Variants in RUNDC1 observed in about 807,000 individuals in gnomAD.
RUNDC1 encodes RUN domain-containing protein 1.
In RUNDC1, 31 loss-of-function variants were observed where a neutral mutation model predicts 49.3. The ratio of observed to expected loss-of-function variants is 0.63; its 90% CI spans 0.47 to 0.85. The LOEUF (loss-of-function observed/expected upper bound fraction) is 0.85, where lower values mean the gene tolerates loss of function less well. Ranked by LOEUF, RUNDC1 falls within the 40% of genes least tolerant of loss-of-function variation. The probability of loss-of-function intolerance (pLI) is 0.00; values close to 1 mark genes in which losing one functional copy is unlikely to be tolerated. For missense variants in RUNDC1, 715 were observed against 806.7 expected, an observed-to-expected ratio of 0.89 and a Z score of 1.38; for synonymous variants, 347 against 348.6, an observed-to-expected ratio of 1.00 and a Z score of 0.05.
Position 42,994,513 on chromosome 17 carries a change from ATGT to A in RUNDC1, c.*2802_*2804del, listed in dbSNP as rs1297903430. 6.6e-6 allele frequency among the ~76,000 whole-genome samples: 1 copy of A among 152,106 alleles called. No individual in the cohort carries two copies. Among genetic ancestry groups the A allele is most frequent in the African/African-American group, 2.4e-5 (1 of 41,404 alleles). ...GTCTATCTTTTCACTTCATTGTATC[ATGT>A]TGTTTCTAGATTTTGGTTTCTCTTT... is the stretch of plus-strand genomic sequence containing the variant. On this transcript the variant is annotated 3_prime_UTR_variant, in exon 5 of 5. Coordinates refer to ENST00000361677, the MANE Select transcript of RUNDC1 (RefSeq NM_173079.5).
In RUNDC1 at chr17:42,980,935, A is replaced by G. The variant is rs1449904351; in HGVS notation, c.359A>G (p.Gln120Arg). The G allele has an allele frequency of 1.3e-6, 2 of 1,537,900 alleles. No individual in the cohort carries two copies. The highest frequency in any genetic ancestry group is 2.5e-5 in the East Asian group (1 of 40,814). Residue 120 changes from glutamine (Q) to arginine (R), a missense_variant, in exon 1 of 5, where the codon CAG becomes CGG. Gln to Arg is a conservative substitution (Grantham distance 43). This residue lies in a region of RUNDC1 where 113 missense variants were observed against 93.4 expected (regional missense o/e 1.21). Transcript: ENST00000361677. The stretch of plus-strand genomic sequence containing the variant: ...GTGCGCGGGGCGCCGGCGGAGCAGC[A>G]GCGCCTTCTGCGGGAGCTCGAAGAC... ...QVVRGAPAEQ[Q>R]RLLRELEDFA... is the part of the protein sequence containing the mutation.
rs2050280900 is a variant in RUNDC1 at position 42,994,253 on chromosome 17, C to G, written c.*2537C>G. Among the ~76,000 whole-genome samples the G allele has an allele frequency of 1.3e-5, 2 of 152,232 alleles. No individual in the cohort carries two copies. The highest frequency in any genetic ancestry group is 1.3e-4 in the Admixed American group (2 of 15,274). ...AGCCCAGCGATCACCCCAGTATTGCCTTTTTCAAATCACAAAAACAAAACT... is the reference window on the plus strand; with the variant it reads ...AGCCCAGCGATCACCCCAGTATTGCGTTTTTCAAATCACAAAAACAAAACT... On this transcript the variant is annotated 3_prime_UTR_variant, in exon 5 of 5. Transcript: ENST00000361677.
At chr17:42,990,816 C>A (rs763071152) in intron 4 of RUNDC1, 35 bp from the exon 5 acceptor site, 29 of 1,552,122 alleles carry the variant, frequency 1.9e-5, no homozygotes. Flanking sequence ...GCCATCATGG[C>A]CTCTCACTGA....
chr17:42,991,541 A>G lies in RUNDC1; in HGVS notation c.1667A>G (p.Asn556Ser). 1 of 1,613,938 alleles carries G rather than the reference A, an allele frequency of 6.2e-7. No homozygotes were observed. Among genetic ancestry groups the G allele is most frequent in the Non-Finnish European group, 8.5e-7 (1 of 1,179,966 alleles). ...GAGCAGCGTCTGGTGTCCTGGGTGAACCTCATCTGCAAGTCCGGGTCACTC... is the reference window on the plus strand; with the variant it reads ...GAGCAGCGTCTGGTGTCCTGGGTGAGCCTCATCTGCAAGTCCGGGTCACTC... ...LNEQRLVSWV[N>S]LICKSGSLIE... is the part of the protein sequence containing the mutation. The change falls in exon 5 of 5, where the codon AAC (asparagine) becomes AGC (serine). Residue 556 changes from asparagine to serine, a missense_variant. Transcript: ENST00000361677.
rs767660129 is a variant in RUNDC1, at chr17:42,991,469, G to A, written c.1595G>A (p.Arg532His). Residue 532 changes from arginine (R) to histidine (H), a missense_variant, in exon 5 of 5, where the codon CGC becomes CAC. Coordinates refer to ENST00000361677, the MANE Select transcript of RUNDC1 (RefSeq NM_173079.5). ...CTGACAGAGCATGACCCTTTTAAGC[G>A]CAGTGCAGACTCAGAATTGAAGGCC... is the stretch of plus-strand genomic sequence containing the variant. ...MVLTEHDPFK[R>H]SADSELKALV... is the part of the protein sequence containing the mutation. 16 of 1,614,158 alleles carry A rather than the reference G, an allele frequency of 9.9e-6. No homozygotes were observed. The highest frequency in any genetic ancestry group is 3.3e-5 in the Admixed American group (2 of 60,014).
Position 42,983,673 on chromosome 17 carries a change from A to AT in RUNDC1, c.498+2612dup, listed in dbSNP as rs556766571. 2.5e-3 allele frequency among the ~76,000 whole-genome samples: 351 copies of AT among 137,848 alleles called. 1 individual carries two copies. Among genetic ancestry groups the AT allele is most frequent in the East Asian group, 3.2e-3 (15 of 4,720 alleles). The allele number at this position is 137,848 out of a possible 152,430, so 90.4% of individuals were successfully genotyped here. A position where few individuals can be genotyped will look rare whatever the true frequency, so the allele number is the denominator to read the frequency against. ...AGGCATGAACCACTGTACCCCGCCA[A>AT]TTTTTTTTTTTTTCTTGAGACAGAG... On this transcript the variant is annotated intron_variant, in intron 1 of 4. Coordinates refer to ENST00000361677, the MANE Select transcript of RUNDC1 (RefSeq NM_173079.5).
intron 1 of RUNDC1, among the ~76,000 whole-genome samples, chr17:42,985,118 C>G (rs1221665899): frequency 6.6e-6 from 1 of 152,026 alleles, no homozygotes; most frequent in African/African-American, 2.4e-5. Flanking sequence ...AACTCCTGAC[C>G]TCAGGTGATC....
intron 1 of RUNDC1, among the ~76,000 whole-genome samples, chr17:42,983,000 C>A (rs1317594733): frequency 6.9e-6 from 1 of 145,366 alleles, no homozygotes; most frequent in Non-Finnish European, 1.5e-5. Context: ...AAAAAAAACA[C>A]ACAAAAAATT....
chr17:42,980,985 G>T lies in RUNDC1; in HGVS notation c.409G>T (p.Val137Phe). Residue 137 changes from valine (V) to phenylalanine (F), a missense_variant, in exon 1 of 5, where the codon GTC becomes TTC. Val to Phe is a conservative substitution (Grantham distance 50). Around this residue, in one of 5 missense-constraint regions of RUNDC1, gnomAD observed 113 missense variants for 93.4 expected, o/e 1.21. Coordinates refer to ENST00000361677, the MANE Select transcript of RUNDC1 (RefSeq NM_173079.5). ...EDFAFRGCPH[V>F]LGYEGPGDPA... ...CTTCGCCTTCCGCGGCTGCCCTCACGTCCTAGGTTACGAAGGGCCCGGCGA... is the reference window on the plus strand; with the variant it reads ...CTTCGCCTTCCGCGGCTGCCCTCACTTCCTAGGTTACGAAGGGCCCGGCGA... 1 of 1,545,534 alleles carries T rather than the reference G, an allele frequency of 6.5e-7. No individual in the cohort carries two copies. The highest frequency in any genetic ancestry group is 8.7e-7 in the Non-Finnish European group (1 of 1,151,806).
At position 42,980,925 on chromosome 17, in the gene RUNDC1, G is replaced by A; in HGVS notation, c.349G>A (p.Ala117Thr). 1.3e-6 allele frequency: 2 copies of A among 1,532,846 alleles called. No individual in the cohort carries two copies. The highest frequency in any genetic ancestry group is 1.7e-6 in the Non-Finnish European group (2 of 1,146,212). The allele number at this position is 1,532,846 out of a possible 1,614,324, so 95.0% of individuals were successfully genotyped here. A position where few individuals can be genotyped will look rare whatever the true frequency, so the allele number is the denominator to read the frequency against. The change falls in exon 1 of 5, where the codon GCG becomes ACG. Residue 117 changes from alanine to threonine, a missense_variant. Physicochemically the swap from Ala to Thr is moderately conservative, Grantham distance 58. This residue lies in a region of RUNDC1 where 113 missense variants were observed against 93.4 expected (regional missense o/e 1.21). Transcript: ENST00000361677. ...RLRQVVRGAP[A>T]EQQRLLRELE... is the part of the protein sequence containing the mutation. ...GCGCCAGGTGGTGCGCGGGGCGCCG[G>A]CGGAGCAGCAGCGCCTTCTGCGGGA...
rs2050263972 is a variant in RUNDC1, at chr17:42,992,930, A to G, written c.*1214A>G. Reference sequence around the variant, plus strand: ...GGGGTGAGAAGTGATGTTTGTTACTATGTTCTCCAGCAAGTAAACATTCCT... The same window carrying G: ...GGGGTGAGAAGTGATGTTTGTTACTGTGTTCTCCAGCAAGTAAACATTCCT... On this transcript the variant is annotated 3_prime_UTR_variant, in exon 5 of 5. Coordinates refer to ENST00000361677, the MANE Select transcript of RUNDC1 (RefSeq NM_173079.5). 6.6e-6 allele frequency: 1 copy of G among 152,194 alleles called. No homozygotes were observed. Among genetic ancestry groups the G allele is most frequent in the South Asian group, 2.1e-4 (1 of 4,836 alleles). The allele number at this position is 152,194 out of a possible 1,614,324, so 9.4% of individuals were successfully genotyped here.
At chr17:42,981,408 G>C (rs928615213) in intron 1 of RUNDC1, 1 of 298,184 alleles carries the variant, frequency 3.4e-6, no homozygotes, top group Non-Finnish European at 6.3e-6. Flanking sequence ...TTTCCCTCAC[G>C]TATCTCAGTC....
chr17:42,983,021 A>AG (rs2050124369), intron 1 of RUNDC1, among the ~76,000 whole-genome samples: 2 of 150,938 alleles, frequency 1.3e-5, no homozygotes, highest in African/African-American at 4.9e-5. Flanking sequence ...AAAAACTGAA[A>AG]AAAAAAAAAA....
intron 1 of RUNDC1, among the ~76,000 whole-genome samples, chr17:42,986,091 C>T (rs1039814474): frequency 1.3e-5 from 2 of 152,060 alleles, no homozygotes; most frequent in African/African-American, 2.4e-5. Flanking sequence ...CCTCAACCTC[C>T]TAGACTCAAG....
rs1744086291 is a variant in RUNDC1, at chr17:42,993,942, C to T, written c.*2226C>T. 6.6e-6 allele frequency among the ~76,000 whole-genome samples: 1 copy of T among 152,182 alleles called. No homozygotes were observed. Among genetic ancestry groups the T allele is most frequent in the Admixed American group, 6.5e-5 (1 of 15,270 alleles). On this transcript the variant is annotated 3_prime_UTR_variant, in exon 5 of 5. Transcript: ENST00000361677. The stretch of plus-strand genomic sequence containing the variant: ...TGGCGTGATCTCAGCTCACTGCAAC[C>T]TCCGCCTCCTGGGTTCAAGCGATTC...
Position 42,990,313 on chromosome 17 carries a change from C to A in RUNDC1, c.857-4C>A, listed in dbSNP as rs1036652955. On this transcript the variant is annotated splice_region_variant and splice_polypyrimidine_tract_variant and intron_variant, in intron 3 of 4. Coordinates refer to ENST00000361677, the MANE Select transcript of RUNDC1 (RefSeq NM_173079.5). ...AGTGTCTCTTCTATAATTTCTGATT[C>A]CAGATGAAGTGGGAAGCCCCTTGCA... 9 of 1,613,200 alleles carry A rather than the reference C, an allele frequency of 5.6e-6. No individual in the cohort carries two copies. The highest frequency in any genetic ancestry group is 7.6e-6 in the Non-Finnish European group (9 of 1,179,772).
chr17:42,984,471 G>A (rs2050143562), intron 1 of RUNDC1, among the ~76,000 whole-genome samples: 1 of 152,070 alleles, frequency 6.6e-6, no homozygotes, highest in Admixed American at 6.6e-5. Context: ...AGTAGAGACA[G>A]GGTTTTGCCA....
intron 2 of RUNDC1, among the ~76,000 whole-genome samples, chr17:42,988,073 A>T (rs1452550950): frequency 1.3e-5 from 2 of 151,238 alleles, no homozygotes; most frequent in Non-Finnish European, 1.5e-5. Context: ...TTTTCCTACT[A>T]CTCACTACCT....
At chr17:42,984,618 C>T (rs1476336751) in intron 1 of RUNDC1, among the ~76,000 whole-genome samples, 1 of 152,108 alleles carries the variant, frequency 6.6e-6, no homozygotes, top group Non-Finnish European at 1.5e-5. Context: ...TGCACCAGAG[C>T]TCATTGTTCT....
Sources: allele counts gnomAD v4.1 joint callset (sites outside exome capture counted in the v4.1 genomes callset), GRCh38; gene constraint gnomAD v4.1.1; regional missense constraint gnomAD v4.1.1; transcripts MANE v1.5; gene names NCBI Gene and HGNC (gene_info 2026-07-23, HGNC 2026-07-21).